The following STXBP5L variants were observed in gnomAD, a reference collection of about 807,000 sequenced individuals.
The protein encoded by STXBP5L is syntaxin-binding protein 5-like.
Under a neutral mutation model 144.5 loss-of-function variants are expected in STXBP5L, and 65 were observed. The observed-to-expected ratio is 0.45, with a 90% CI of 0.37 to 0.55. The LOEUF is 0.55. STXBP5L is among the 20% of genes least tolerant of loss of function. STXBP5L has a pLI of 0.00. For synonymous variants in STXBP5L, 505 were observed against 469.6 expected (o/e 1.08, Z -0.97); for missense variants, 1,298 against 1,405.5 (o/e 0.92, Z 1.22).
chr3:121,179,832 A>T (rs1268218311), intron 9 of STXBP5L, among the ~76,000 whole-genome samples: 4 of 152,182 alleles, frequency 2.6e-5, no homozygotes, highest in African/African-American at 9.6e-5. Context: ...AGTAGAAGAA[A>T]GAACTTCAGA....
At chr3:121,084,138 T>G (rs1275774443) in intron 5 of STXBP5L, among the ~76,000 whole-genome samples, 1 of 152,148 alleles carries the variant, frequency 6.6e-6, no homozygotes, top group Non-Finnish European at 1.5e-5. Context: ...TATTTTGGTT[T>G]TCTTTTTCTA....
rs140582345 is a variant in STXBP5L, at chr3:120,977,487, A to G, written c.287+22450A>G. Among the ~76,000 whole-genome samples, 15 of 152,178 alleles carry G rather than the reference A, an allele frequency of 9.9e-5. No homozygotes were observed. In the East Asian group the frequency reaches 2.9e-3, roughly 29 times the overall value. ...GAATACAGCACACTGATGGGTCTTG[A>G]CTGTTTATCCAATTTGGCAGTCTGT... On this transcript the variant is annotated intron_variant, in intron 3 of 26. Transcript: ENST00000471454.
chr3:121,115,045 C>A lies in STXBP5L; in HGVS notation c.591C>A (p.Asn197Lys). 6.2e-7 allele frequency: 1 copy of A among 1,601,178 alleles called. No homozygotes were observed. Among genetic ancestry groups the A allele is most frequent in the East Asian group, 2.3e-5 (1 of 43,876 alleles). Residue 197 changes from asparagine (N) to lysine (K), a missense_variant, in exon 6 of 27, where the codon AAC becomes AAA. Coordinates refer to ENST00000471454, the MANE Select transcript of STXBP5L (RefSeq NM_001308330.2). ...FILSGYVIMW[N>K]KAIELSTKTH... ...TTTCTGGATATGTTATCATGTGGAACAAGGCAATTGAACTGTAAGTTTGAA... is the reference window on the plus strand; with the variant it reads ...TTTCTGGATATGTTATCATGTGGAAAAAGGCAATTGAACTGTAAGTTTGAA...
intron 19 of STXBP5L, among the ~76,000 whole-genome samples, chr3:121,312,832 C>A (rs1447894340): frequency 6.6e-6 from 1 of 152,138 alleles, no homozygotes; most frequent in South Asian, 2.1e-4. Context: ...TAGTACAGAA[C>A]AAAATGAAAA....
At position 120,909,631 on chromosome 3, in the gene STXBP5L, C is replaced by A; in HGVS notation, c.53C>A (p.Pro18His). ...KVLDGLTASS[P>H]GSGSSSGSNS... Reference sequence around the variant, plus strand: ...TTGGATGGCTTAACTGCCTCCTCCCCTGGCAGTGGTAGCAGCAGTGGCAGT... The same window carrying A: ...TTGGATGGCTTAACTGCCTCCTCCCATGGCAGTGGTAGCAGCAGTGGCAGT... Residue 18 changes from proline (P) to histidine (H), a missense_variant, in exon 2 of 27, where the codon CCT becomes CAT. Transcript: ENST00000471454. 2 of 1,613,572 alleles carry A rather than the reference C, an allele frequency of 1.2e-6. No homozygotes were observed. Among genetic ancestry groups the A allele is most frequent in the Non-Finnish European group, 1.7e-6 (2 of 1,179,772 alleles).
At chr3:121,204,718 G>C (rs1329952337) in intron 9 of STXBP5L, among the ~76,000 whole-genome samples, 2 of 147,310 alleles carry the variant, frequency 1.4e-5, no homozygotes, top group Non-Finnish European at 3.1e-5. Flanking sequence ...AATAAATAAG[G>C]GTACTTACTG....
At chr3:120,956,571 C>T (rs1037108742) in intron 3 of STXBP5L, among the ~76,000 whole-genome samples, 10 of 151,682 alleles carry the variant, frequency 6.6e-5, no homozygotes, top group East Asian at 3.9e-4. Context: ...GATATCTGTT[C>T]GTTAATTTAT....
chr3:121,211,175 T>A (rs2048550418), intron 10 of STXBP5L, among the ~76,000 whole-genome samples: 1 of 152,220 alleles, frequency 6.6e-6, no homozygotes, highest in South Asian at 2.1e-4. Context: ...TGCTAAGTAT[T>A]TTATTCTCTT....
In STXBP5L at chr3:120,908,353, A is replaced by C. The variant is rs1708637838; in HGVS notation, c.-9+19A>C. 6.5e-6 allele frequency: 1 copy of C among 154,388 alleles called. No homozygotes were observed. The highest frequency in any genetic ancestry group is 2.4e-5 in the African/African-American group (1 of 41,482). The allele number at this position is 154,388 out of a possible 1,614,324, so 9.6% of individuals were successfully genotyped here. A position where few individuals can be genotyped will look rare whatever the true frequency, so the allele number is the denominator to read the frequency against. ...GAGGAAGGTGCCTAAGTCCTGGGTCAGATAGTCATCCCTCTGGGACGCCGC... is the reference window on the plus strand; with the variant it reads ...GAGGAAGGTGCCTAAGTCCTGGGTCCGATAGTCATCCCTCTGGGACGCCGC... On this transcript the variant is annotated intron_variant, in intron 1 of 26. Coordinates refer to ENST00000471454, the MANE Select transcript of STXBP5L (RefSeq NM_001308330.2).
At chr3:121,227,727 G>A (rs1224290264) in intron 11 of STXBP5L, among the ~76,000 whole-genome samples, 1 of 152,038 alleles carries the variant, frequency 6.6e-6, no homozygotes, top group African/African-American at 2.4e-5. Flanking sequence ...CAATTGACAA[G>A]GCAATTTAGA....
intron 18 of STXBP5L, among the ~76,000 whole-genome samples, chr3:121,260,638 G>A (rs900472815): frequency 6.6e-6 from 1 of 151,966 alleles, no homozygotes; most frequent in African/African-American, 2.4e-5. Flanking sequence ...TAAGAATTGT[G>A]CCAATACCGT....
chr3:121,110,819 C>A (rs184214010), intron 5 of STXBP5L, among the ~76,000 whole-genome samples: 1 of 152,144 alleles, frequency 6.6e-6, no homozygotes, highest in African/African-American at 2.4e-5. Flanking sequence ...TCTTGAAGTA[C>A]GTTTTCCAAC....
At chr3:121,182,974 G>C (rs1252166173) in intron 9 of STXBP5L, among the ~76,000 whole-genome samples, 1 of 152,188 alleles carries the variant, frequency 6.6e-6, no homozygotes, top group Non-Finnish European at 1.5e-5. Flanking sequence ...AATCAAGTGA[G>C]TTTCATACCA....
intron 23 of STXBP5L, among the ~76,000 whole-genome samples, chr3:121,412,299 C>T (rs1576374475): frequency 6.6e-6 from 1 of 152,304 alleles, no homozygotes; most frequent in East Asian, 1.9e-4. Flanking sequence ...AAGGTCCTCA[C>T]ACAGGGCTGA....
At position 121,403,410 on chromosome 3, in the gene STXBP5L, C is replaced by T. The variant is rs560217054; in HGVS notation, c.2588-3833C>T. 2.6e-5 allele frequency among the ~76,000 whole-genome samples: 4 copies of T among 152,260 alleles called. 1 individual carries two copies. The South Asian group carries it at 8.3e-4, about 32-fold the overall frequency. ...TTGTACACTAGACTCCACTTATATA[C>T]TAGACTTTACCTGCTTTCACCTACT... On this transcript the variant is annotated intron_variant, in intron 22 of 26. Transcript: ENST00000471454.
chr3:121,329,022 A>T (rs1213010189), intron 20 of STXBP5L, among the ~76,000 whole-genome samples: 1 of 151,990 alleles, frequency 6.6e-6, no homozygotes, highest in Non-Finnish European at 1.5e-5. Context: ...ATATACACAC[A>T]TATATATAAT....
intron 10 of STXBP5L, among the ~76,000 whole-genome samples, chr3:121,209,506 A>G (rs1004226941): frequency 4.6e-5 from 7 of 152,120 alleles, no homozygotes; most frequent in Non-Finnish European, 8.8e-5. Context: ...ATATGTATAC[A>G]TGTGCCATGT....
At chr3:121,208,290 A>G (rs1011383996) in intron 10 of STXBP5L, among the ~76,000 whole-genome samples, 6 of 135,144 alleles carry the variant, frequency 4.4e-5, no homozygotes, top group African/African-American at 1.6e-4. Flanking sequence ...CAATGAGAAC[A>G]CTTGGACCCA....
At chr3:121,194,157 A>G (rs955413960) in intron 9 of STXBP5L, among the ~76,000 whole-genome samples, 1 of 152,156 alleles carries the variant, frequency 6.6e-6, no homozygotes, top group Admixed American at 6.6e-5. Flanking sequence ...CTCTAAAAAG[A>G]AACCACGTAC....
Sources: gnomAD v4.1 joint callset for allele counts (sites outside exome capture counted in the v4.1 genomes callset) on GRCh38, gnomAD v4.1.1 for gene constraint, MANE v1.5 for transcripts, NCBI Gene and HGNC (gene_info 2026-07-23, HGNC 2026-07-21) for gene names.